Variants in KIF26B observed in about 807,000 individuals in gnomAD.
KIF26B encodes kinesin family member 26B.
Under a neutral mutation model 151.2 loss-of-function variants are expected in KIF26B, and 63 were observed. That is an observed-to-expected ratio of 0.42 (90% CI 0.34 to 0.51). KIF26B has a LOEUF of 0.51. KIF26B is among the 20% of genes least tolerant of loss of function. The pLI is 0.07. For missense variants in KIF26B, 2,813 were observed against 2,913.6 expected, an observed-to-expected ratio of 0.97 and a Z score of 0.79; for synonymous variants, 1,357 against 1,262.1, an observed-to-expected ratio of 1.08 and a Z score of -1.59.
chr1:245,390,198 A>T (rs1176273179), intron 3 of KIF26B, among the ~76,000 whole-genome samples: 1 of 147,706 alleles, frequency 6.8e-6, no homozygotes, highest in Non-Finnish European at 1.5e-5. Context: ...TAAGAAGTAC[A>T]GTGTTACTTG....
chr1:245,275,486 A>G lies in KIF26B; in HGVS notation c.466-91348A>G, dbSNP rs144366280. Among the ~76,000 whole-genome samples, 1,107 of 152,276 alleles carry G rather than the reference A, an allele frequency of 7.3e-3. 14 individuals are homozygous for G. The highest frequency in any genetic ancestry group is 0.026 in the African/African-American group (1,069 of 41,564). ...GGTCTTACGTTTAAGTCTTTAATCC[A>G]TCTTGAGATAATTTTTGTATAAGAT... is the stretch of plus-strand genomic sequence containing the variant. On this transcript the variant is annotated intron_variant, in intron 2 of 14. Transcript: ENST00000407071.
At chr1:245,189,997 A>G (rs2103532149) in intron 2 of KIF26B, among the ~76,000 whole-genome samples, 1 of 152,130 alleles carries the variant, frequency 6.6e-6, no homozygotes, top group Non-Finnish European at 1.5e-5. Flanking sequence ...GTATGGGGGG[A>G]AACCACCCCC....
chr1:245,467,105 T>C (rs1659810170), intron 4 of KIF26B, among the ~76,000 whole-genome samples: 1 of 152,202 alleles, frequency 6.6e-6, no homozygotes, highest in African/African-American at 2.4e-5. Flanking sequence ...TGCTCAACAC[T>C]ATAAGATTGG....
At chr1:245,254,765 G>A (rs1670503941) in intron 2 of KIF26B, among the ~76,000 whole-genome samples, 1 of 152,184 alleles carries the variant, frequency 6.6e-6, no homozygotes, top group African/African-American at 2.4e-5. Flanking sequence ...TGCATTCCAA[G>A]AGGGCTGTAC....
chr1:245,631,160 T>C (rs913350821), intron 9 of KIF26B, among the ~76,000 whole-genome samples: 4 of 152,234 alleles, frequency 2.6e-5, no homozygotes, highest in African/African-American at 9.6e-5. Context: ...TCCAGTACTA[T>C]GTTGAATAAC....
At chr1:245,643,076 A>G (rs978390194) in intron 9 of KIF26B, among the ~76,000 whole-genome samples, 11 of 152,200 alleles carry the variant, frequency 7.2e-5, no homozygotes, top group African/African-American at 2.7e-4. Flanking sequence ...TGTTTGCCTT[A>G]TCCACACTTA....
intron 10 of KIF26B, among the ~76,000 whole-genome samples, chr1:245,662,146 CA>C (rs1558257077): frequency 4.1e-4 from 62 of 149,674 alleles, no homozygotes; most frequent in African/African-American, 1.3e-3. Context: ...ACACACACCC[CA>C]TATATATATA....
chr1:245,156,032 C>A (rs1186177911), intron 1 of KIF26B, among the ~76,000 whole-genome samples: 1 of 152,154 alleles, frequency 6.6e-6, no homozygotes, highest in Admixed American at 6.5e-5. Context: ...CGGCCCCGAG[C>A]GAGTCCCCTT....
At chr1:245,321,062 G>T (rs951173882) in intron 2 of KIF26B, among the ~76,000 whole-genome samples, 1 of 152,114 alleles carries the variant, frequency 6.6e-6, no homozygotes, top group African/African-American at 2.4e-5. Flanking sequence ...AAAGTGTTCT[G>T]GTTAGAAAGA....
intron 2 of KIF26B, among the ~76,000 whole-genome samples, chr1:245,355,315 G>A (rs1038758996): frequency 3.9e-5 from 6 of 152,078 alleles, no homozygotes; most frequent in South Asian, 2.1e-4. Flanking sequence ...CTCACTAGAC[G>A]TCAGTAGCCC....
intron 2 of KIF26B, among the ~76,000 whole-genome samples, chr1:245,303,263 A>G (rs1671468712): frequency 7.4e-6 from 1 of 135,358 alleles, no homozygotes; most frequent in South Asian, 2.4e-4. Flanking sequence ...CAGTGGCGCG[A>G]TCTCGGCTCA....
At chr1:245,621,238 G>C (rs1311748122) in intron 9 of KIF26B, among the ~76,000 whole-genome samples, 2 of 152,188 alleles carry the variant, frequency 1.3e-5, no homozygotes, top group African/African-American at 4.8e-5. Context: ...AAGAGCTTCT[G>C]CATGCTTTCT....
At position 245,501,690 on chromosome 1, in the gene KIF26B, G is replaced by C. The variant is rs988663733; in HGVS notation, c.1167-39077G>C. Among the ~76,000 whole-genome samples, 16 of 152,324 alleles carry C rather than the reference G, an allele frequency of 1.1e-4. 1 individual carries two copies. The highest frequency in any genetic ancestry group is 3.8e-4 in the African/African-American group (16 of 41,582). On this transcript the variant is annotated intron_variant, in intron 4 of 14. Transcript: ENST00000407071. ...CATATCAAAATTAGACTTTGTGACT[G>C]AAAGTGTAAACAAATGCATTCTTGC... is the stretch of plus-strand genomic sequence containing the variant.
intron 9 of KIF26B, among the ~76,000 whole-genome samples, chr1:245,641,307 G>A (rs575605737): frequency 1.6e-5 from 2 of 123,806 alleles, no homozygotes; most frequent in South Asian, 2.2e-4. Flanking sequence ...ATATGTCTTG[G>A]GGTCTTCTCA....
chr1:245,180,953 G>A (rs1668895594), intron 2 of KIF26B, among the ~76,000 whole-genome samples: 1 of 151,990 alleles, frequency 6.6e-6, no homozygotes, highest in Admixed American at 6.6e-5. Context: ...ATTCTCTTTT[G>A]TGGGCAAGAT....
At chr1:245,476,441 C>T (rs903973714) in intron 4 of KIF26B, among the ~76,000 whole-genome samples, 1 of 151,574 alleles carries the variant, frequency 6.6e-6, no homozygotes, top group African/African-American at 2.4e-5. Context: ...TTTTAAAATC[C>T]AATGAAGGGC....
intron 2 of KIF26B, among the ~76,000 whole-genome samples, chr1:245,289,393 T>C (rs1671219319): frequency 6.6e-6 from 1 of 152,170 alleles, no homozygotes; most frequent in South Asian, 2.1e-4. Context: ...GGCAAGTGTA[T>C]GGACTTGAAA....
At chr1:245,497,967 C>A (rs146283089) in intron 4 of KIF26B, among the ~76,000 whole-genome samples, 2,905 of 152,338 alleles carry the variant, frequency 0.019, 37 homozygotes, top group Non-Finnish European at 0.03. Context: ...TGGTCTCAAA[C>A]TCCTGACCTC....
chr1:245,520,949 G>A (rs893314566), intron 4 of KIF26B, among the ~76,000 whole-genome samples: 17 of 152,186 alleles, frequency 1.1e-4, no homozygotes, highest in African/African-American at 3.9e-4. Flanking sequence ...ATTGTAGGGT[G>A]TATTTTAGTT....
Sources: gnomAD v4.1 joint callset for allele counts (sites outside exome capture counted in the v4.1 genomes callset) on GRCh38, gnomAD v4.1.1 for gene constraint, MANE v1.5 for transcripts, NCBI Gene and HGNC (gene_info 2026-07-23, HGNC 2026-07-21) for gene names.